Variants in KCNIP4 observed in about 807,000 individuals in gnomAD.
KCNIP4 encodes potassium voltage-gated channel interacting protein 4.
KCNIP4 carries 12 observed loss-of-function variants against 34.0 expected under a neutral mutation model. The ratio of observed to expected loss-of-function variants is 0.35; its 90% confidence interval spans 0.23 to 0.57. The LOEUF is 0.57. KCNIP4 is among the 20% of genes least tolerant of loss of function. KCNIP4 has a pLI of 0.83. For synonymous variants in KCNIP4, 124 were observed against 102.2 expected, an observed-to-expected ratio of 1.21 and a Z score of -1.29; for missense variants, 238 against 311.7, an observed-to-expected ratio of 0.76 and a Z score of 1.78.
At chr4:20,828,553 T>C (rs1313154244) in intron 3 of KCNIP4, among the ~76,000 whole-genome samples, 11 of 152,314 alleles carry the variant, frequency 7.2e-5, no homozygotes, top group Admixed American at 7.2e-4. Context: ...GATACAATAG[T>C]GACCATCTAC....
At chr4:21,015,765 C>A (rs1739468755) in intron 1 of KCNIP4, among the ~76,000 whole-genome samples, 1 of 130,534 alleles carries the variant, frequency 7.7e-6, no homozygotes, top group Non-Finnish European at 1.6e-5. Flanking sequence ...TAAATATATA[C>A]AATATACATT....
chr4:21,741,149 G>A (rs1716372874), intron 1 of KCNIP4, among the ~76,000 whole-genome samples: 1 of 152,108 alleles, frequency 6.6e-6, no homozygotes, highest in Non-Finnish European at 1.5e-5. Context: ...CTGGCTTATA[G>A]CATTTCCAAA....
At chr4:20,840,391 G>A (rs560778330) in intron 3 of KCNIP4, among the ~76,000 whole-genome samples, 2 of 152,272 alleles carry the variant, frequency 1.3e-5, no homozygotes, top group East Asian at 3.9e-4. Flanking sequence ...TATCTTCCAT[G>A]TCATTCTCTC....
At chr4:21,352,743 A>G (rs2086951) in intron 1 of KCNIP4, among the ~76,000 whole-genome samples, 62,022 of 152,080 alleles carry the variant, frequency 0.41, 13,062 homozygotes, top group Middle Eastern at 0.56. Context: ...AGACTTAAAC[A>G]TCCCCGTCTG....
rs562949349 is a variant in KCNIP4 at position 20,828,180 on chromosome 4, G to A, written c.288+22363C>T. On this transcript the variant is annotated intron_variant, in intron 3 of 8. Transcript: ENST00000382152. The stretch of plus-strand genomic sequence containing the variant: ...GCGGTGGCTCAAGCCTGTAATCCCA[G>A]CACTTTGGGAGGCCGAGGCGGGTGG... 7.2e-4 allele frequency among the ~76,000 whole-genome samples: 110 copies of A among 152,316 alleles called. 1 individual carries two copies. Among genetic ancestry groups the A allele is most frequent in the African/African-American group, 2.6e-3 (106 of 41,568 alleles).
intron 1 of KCNIP4, among the ~76,000 whole-genome samples, chr4:21,644,986 G>A (rs1216652698): frequency 6.6e-6 from 1 of 152,066 alleles, no homozygotes; most frequent in Non-Finnish European, 1.5e-5. Flanking sequence ...GTACCCTAGG[G>A]TACCAGAGAT....
At chr4:21,082,865 TTCTATCTATCTATCTATCTA>T (rs71182707) in intron 1 of KCNIP4, among the ~76,000 whole-genome samples, 3 of 147,570 alleles carry the variant, frequency 2.0e-5, no homozygotes, top group African/African-American at 7.6e-5. Flanking sequence ...TGCCAGGTTA[TTCTATCTATCTATCTATCTA>T]TCTATCTATC....
At chr4:20,971,687 T>A (rs1734967063) in intron 1 of KCNIP4, among the ~76,000 whole-genome samples, 1 of 152,210 alleles carries the variant, frequency 6.6e-6, no homozygotes, top group Non-Finnish European at 1.5e-5. Context: ...GGCCTTAATG[T>A]TGTTGGCTGC....
intron 1 of KCNIP4, among the ~76,000 whole-genome samples, chr4:21,320,964 T>TTAAAAAAAAAAAAAAA (rs1553860312): frequency 2.9e-5 from 3 of 102,902 alleles, no homozygotes; most frequent in East Asian, 2.6e-4. Flanking sequence ...GAATCTGTCT[T>TTAAAAAAAAAAAAAAA]AAAAAAAAAA....
intron 1 of KCNIP4, among the ~76,000 whole-genome samples, chr4:20,971,443 T>C (rs1446875718): frequency 6.6e-6 from 1 of 152,024 alleles, no homozygotes; most frequent in Admixed American, 6.6e-5. Context: ...TCCAGACCAC[T>C]ACAATAAGAC....
chr4:21,014,804 G>T (rs1434832098), intron 1 of KCNIP4, among the ~76,000 whole-genome samples: 2 of 152,140 alleles, frequency 1.3e-5, no homozygotes, highest in East Asian at 3.9e-4. Context: ...TCAGATATTT[G>T]CACAGCATTG....
intron 1 of KCNIP4, among the ~76,000 whole-genome samples, chr4:21,553,031 G>C (rs1341335265): frequency 6.6e-6 from 1 of 151,962 alleles, no homozygotes; most frequent in Non-Finnish European, 1.5e-5. Flanking sequence ...GGTGGCCAGT[G>C]GGGGTTGAGG....
chr4:21,218,737 G>A (rs559097054), intron 1 of KCNIP4, among the ~76,000 whole-genome samples: 1 of 152,288 alleles, frequency 6.6e-6, no homozygotes, highest in Non-Finnish European at 1.5e-5. Flanking sequence ...GAGATGCAAA[G>A]CTATGGGCTC....
chr4:21,187,800 A>T (rs1755352803), intron 1 of KCNIP4, among the ~76,000 whole-genome samples: 1 of 152,048 alleles, frequency 6.6e-6, no homozygotes, highest in South Asian at 2.1e-4. Flanking sequence ...GCTCTAATTC[A>T]CCTGAGACAA....
intron 1 of KCNIP4, among the ~76,000 whole-genome samples, chr4:21,357,295 C>A (rs1307605568): frequency 6.6e-6 from 1 of 152,036 alleles, no homozygotes; most frequent in Non-Finnish European, 1.5e-5. Context: ...GCAATGGCAA[C>A]AAAAGCCAAA....
At chr4:21,384,043 C>T (rs547710255) in intron 1 of KCNIP4, among the ~76,000 whole-genome samples, 57 of 152,224 alleles carry the variant, frequency 3.7e-4, no homozygotes, top group African/African-American at 1.3e-3. Context: ...ACGCCGAGCT[C>T]AGTCCTACCT....
rs79809684 is a variant in KCNIP4 at position 21,352,131 on chromosome 4, A to G, written c.62-469422T>C. ...TCTTGTTTTATTGCCTAACAGCACTAAAAAAAGAAAAAAATCTTGGTTCCA... is the reference window on the plus strand; with the variant it reads ...TCTTGTTTTATTGCCTAACAGCACTGAAAAAAGAAAAAAATCTTGGTTCCA... On this transcript the variant is annotated intron_variant, in intron 1 of 8. Coordinates refer to ENST00000382152, the MANE Select transcript of KCNIP4 (RefSeq NM_025221.6). 5.3e-5 allele frequency among the ~76,000 whole-genome samples: 8 copies of G among 152,238 alleles called. No individual in the cohort carries two copies. The East Asian group carries it at 1.6e-3, about 30-fold the overall frequency.
At chr4:21,320,087 T>G (rs1370365105) in intron 1 of KCNIP4, among the ~76,000 whole-genome samples, 1 of 152,214 alleles carries the variant, frequency 6.6e-6, no homozygotes, top group East Asian at 1.9e-4. Context: ...GAGAAAAGCA[T>G]CATTTCTACA....
At chr4:21,052,849 G>T (rs1743042673) in intron 1 of KCNIP4, among the ~76,000 whole-genome samples, 1 of 152,116 alleles carries the variant, frequency 6.6e-6, no homozygotes, top group Non-Finnish European at 1.5e-5. Flanking sequence ...AGGTGCTAGT[G>T]TCTGGGGCTG....
Sources: gnomAD v4.1 joint callset for allele counts (sites outside exome capture counted in the v4.1 genomes callset) on GRCh38, gnomAD v4.1.1 for gene constraint, MANE v1.5 for transcripts, NCBI Gene and HGNC (gene_info 2026-07-23, HGNC 2026-07-21) for gene names.